CATSPERE: variants seen among roughly 807,000 people sequenced by gnomAD.
CATSPERE encodes catsper channel auxiliary subunit epsilon.
In CATSPERE, 93 loss-of-function variants were observed where a neutral mutation model predicts 114.1. The observed-to-expected ratio is 0.81, with a 90% confidence interval of 0.69 to 0.97. The LOEUF is 0.97. CATSPERE is among the 50% of genes least tolerant of loss of function. The pLI, the probability that CATSPERE is intolerant of heterozygous loss-of-function variation, is 0.00. For missense variants in CATSPERE, 1,058 were observed against 1,131.6 expected (o/e 0.93, Z 0.93); for synonymous variants, 341 against 384.1 (o/e 0.89, Z 1.31).
At chr1:244,525,583 A>T (rs926037611) in intron 8 of CATSPERE, among the ~76,000 whole-genome samples, 1 of 152,148 alleles carries the variant, frequency 6.6e-6, no homozygotes, top group Non-Finnish European at 1.5e-5. Flanking sequence ...TGGAAGTGTA[A>T]ATTGGCACAA....
At chr1:244,525,249 A>G (rs1225201665) in intron 8 of CATSPERE, among the ~76,000 whole-genome samples, 1 of 149,690 alleles carries the variant, frequency 6.7e-6, no homozygotes, top group Non-Finnish European at 1.5e-5. Context: ...ACAAAAAACC[A>G]AACACTGCAT....
intron 11 of CATSPERE, among the ~76,000 whole-genome samples, chr1:244,577,620 C>A (rs1665485668): frequency 6.6e-6 from 1 of 152,174 alleles, no homozygotes; most frequent in Admixed American, 6.5e-5. Context: ...GCAGAAGGGG[C>A]AAGGCCACTC....
intron 8 of CATSPERE, among the ~76,000 whole-genome samples, chr1:244,525,479 T>TA (rs57778928): frequency 0.12 from 18,325 of 151,562 alleles, 1,858 homozygotes; most frequent in African/African-American, 0.28. Context: ...CCCTAAAACT[T>TA]AAAGTATAAT....
At position 244,510,835 on chromosome 1, in the gene CATSPERE, C is replaced by CTTTTTTTTTTTTTTTTTTTTTTTTTTT. The variant is rs747921082; in HGVS notation, c.430-7732_430-7731insTTTTTTTTTTTTTTTTTTTTTTTTTTT. 4.0e-3 allele frequency among the ~76,000 whole-genome samples: 195 copies of CTTTTTTTTTTTTTTTTTTTTTTTTTTT among 48,328 alleles called. 2 individuals are homozygous for CTTTTTTTTTTTTTTTTTTTTTTTTTTT. Among genetic ancestry groups the CTTTTTTTTTTTTTTTTTTTTTTTTTTT allele is most frequent in the East Asian group, 7.2e-3 (9 of 1,244 alleles). The allele number at this position is 48,328 out of a possible 152,430, so 31.7% of individuals were successfully genotyped here. ...TTCTTTTTTTTTTCTTTTTCTTTTT[C>CTTTTTTTTTTTTTTTTTTTTTTTTTTT]TTTTTTTTTTTTTTTTTTTTTTTTT... On this transcript the variant is annotated intron_variant, in intron 7 of 21. Coordinates refer to ENST00000366534, the MANE Select transcript of CATSPERE (RefSeq NM_001130957.2).
At chr1:244,494,153 G>T (rs918995694) in intron 6 of CATSPERE, among the ~76,000 whole-genome samples, 1 of 151,956 alleles carries the variant, frequency 6.6e-6, no homozygotes, top group Non-Finnish European at 1.5e-5. Flanking sequence ...ACATGCACAC[G>T]TATGTTTATT....
At chr1:244,453,273 C>G (rs953622267), upstream of CATSPERE, among the ~76,000 whole-genome samples, 1 of 152,088 alleles carries the variant, frequency 6.6e-6, no homozygotes, top group African/African-American at 2.4e-5. Flanking sequence ...AGTCAAATGC[C>G]CGAGGTAGTG....
At chr1:244,550,653 G>A (rs1660465133) in intron 8 of CATSPERE, among the ~76,000 whole-genome samples, 1 of 152,162 alleles carries the variant, frequency 6.6e-6, no homozygotes, top group Non-Finnish European at 1.5e-5. Flanking sequence ...GATGTGGCTT[G>A]CAAAAAGTGG....
At chr1:244,557,584 A>AT (rs1558491907) in intron 9 of CATSPERE, among the ~76,000 whole-genome samples, 2 of 34,636 alleles carry the variant, frequency 5.8e-5, no homozygotes, top group African/African-American at 7.9e-5. Context: ...TATATATATA[A>AT]AATCTCCCAG....
At chr1:244,589,269 A>G (rs1176264283) in intron 14 of CATSPERE, among the ~76,000 whole-genome samples, 1 of 152,186 alleles carries the variant, frequency 6.6e-6, no homozygotes, top group Non-Finnish European at 1.5e-5. Context: ...CTGAGTATTT[A>G]TGAAATTACT....
chr1:244,630,463 C>T (rs1046471192), intron 20 of CATSPERE, among the ~76,000 whole-genome samples: 6 of 152,256 alleles, frequency 3.9e-5, no homozygotes, highest in African/African-American at 1.4e-4. Flanking sequence ...TTATCAGATG[C>T]TGGGGGTGGT....
chr1:244,564,846 C>A (rs1558505639), intron 10 of CATSPERE, among the ~76,000 whole-genome samples: 2 of 152,172 alleles, frequency 1.3e-5, no homozygotes, highest in Admixed American at 1.3e-4. Flanking sequence ...GGGAATGCTT[C>A]CAGCTTTTGC....
At chr1:244,528,077 A>G (rs1156541755) in intron 8 of CATSPERE, among the ~76,000 whole-genome samples, 1 of 152,186 alleles carries the variant, frequency 6.6e-6, no homozygotes, top group Non-Finnish European at 1.5e-5. Context: ...CCCAGCATCC[A>G]TTAGCTATTC....
intron 8 of CATSPERE, among the ~76,000 whole-genome samples, chr1:244,541,978 A>T (rs1276468319): frequency 3.9e-5 from 5 of 128,560 alleles, no homozygotes; most frequent in Non-Finnish European, 1.6e-5. Flanking sequence ...GGACACAGGA[A>T]GGGGAACGTC....
At chr1:244,522,464 C>T (rs763452391) in intron 8 of CATSPERE, among the ~76,000 whole-genome samples, 17 of 151,898 alleles carry the variant, frequency 1.1e-4, no homozygotes, top group African/African-American at 2.2e-4. Flanking sequence ...AGGTAGCAGA[C>T]GGCGAGAAAT....
chr1:244,525,691 GCA>G (rs901464265), intron 8 of CATSPERE, among the ~76,000 whole-genome samples: 5 of 152,070 alleles, frequency 3.3e-5, no homozygotes, highest in Non-Finnish European at 7.4e-5. Flanking sequence ...AGAAATCCAT[GCA>G]CAGTTACCTC....
rs539356153 is a variant in CATSPERE, at chr1:244,540,245, A to G, written c.537-12077A>G. 5.1e-3 allele frequency among the ~76,000 whole-genome samples: 763 copies of G among 150,568 alleles called. 9 individuals are homozygous for G. The highest frequency in any genetic ancestry group is 0.018 in the African/African-American group (733 of 40,844). ...CCCTGTTTGCAGACGACATGATTGTATATCTAGAAAACCCCATTGTCTCAG... is the reference window on the plus strand; with the variant it reads ...CCCTGTTTGCAGACGACATGATTGTGTATCTAGAAAACCCCATTGTCTCAG... On this transcript the variant is annotated intron_variant, in intron 8 of 21. Transcript: ENST00000366534.
intron 17 of CATSPERE, among the ~76,000 whole-genome samples, chr1:244,605,444 G>A (rs749016452): frequency 6.6e-6 from 1 of 152,048 alleles, no homozygotes; most frequent in Non-Finnish European, 1.5e-5. Context: ...TATTTTGAGA[G>A]CTGAATGAAA....
At chr1:244,578,929 T>C (rs1665749754) in intron 11 of CATSPERE, among the ~76,000 whole-genome samples, 1 of 151,134 alleles carries the variant, frequency 6.6e-6, no homozygotes, top group African/African-American at 2.4e-5. Context: ...CAATTTTCCC[T>C]CTCGTTCAAC....
intron 8 of CATSPERE, among the ~76,000 whole-genome samples, chr1:244,535,057 G>C (rs1257581233): frequency 6.6e-6 from 1 of 152,178 alleles, no homozygotes; most frequent in Non-Finnish European, 1.5e-5. Context: ...AAAATTCTCT[G>C]AATTACCAGG....
Sources: allele counts gnomAD v4.1 joint callset (sites outside exome capture counted in the v4.1 genomes callset), GRCh38; gene constraint gnomAD v4.1.1; transcripts MANE v1.5; gene names NCBI Gene and HGNC (gene_info 2026-07-23, HGNC 2026-07-21).